The following TRAM2 variants were observed in gnomAD, a reference collection of about 807,000 sequenced individuals.
The protein encoded by TRAM2 is translocation associated membrane protein 2.
TRAM2 carries 12 observed loss-of-function variants against 51.0 expected under a neutral mutation model. The observed-to-expected ratio is 0.24, with a 90% CI of 0.15 to 0.38. The LOEUF (loss-of-function observed/expected upper bound fraction) is 0.38, where lower values mean the gene tolerates loss of function less well. TRAM2 is among the 10% of genes least tolerant of loss of function. The probability of loss-of-function intolerance (pLI) is 1.00; values close to 1 mark genes in which losing one functional copy is unlikely to be tolerated. For synonymous variants in TRAM2, 175 were observed against 179.4 expected (o/e 0.98, Z 0.20); for missense variants, 361 against 462.0 (o/e 0.78, Z 2.00).
intron 2 of TRAM2, among the ~76,000 whole-genome samples, chr6:52,519,206 T>C (rs936996121): frequency 1.3e-5 from 2 of 152,230 alleles, no homozygotes; most frequent in Non-Finnish European, 2.9e-5. Flanking sequence ...CCCTGCCCTC[T>C]TGGAGCTTAG....
At chr6:52,530,344 G>A (rs1178055987) in intron 2 of TRAM2, among the ~76,000 whole-genome samples, 9 of 152,180 alleles carry the variant, frequency 5.9e-5, no homozygotes, top group Admixed American at 5.9e-4. Context: ...TCTGAATGAA[G>A]CTTAATCTTT....
At chr6:52,540,173 A>G (rs868360722) in intron 1 of TRAM2, among the ~76,000 whole-genome samples, 1 of 151,818 alleles carries the variant, frequency 6.6e-6, no homozygotes, top group African/African-American at 2.4e-5. Flanking sequence ...TAGATGAAAA[A>G]GCCAAATTTG....
chr6:52,514,173 T>C (rs986104692), intron 4 of TRAM2, among the ~76,000 whole-genome samples: 1 of 152,118 alleles, frequency 6.6e-6, no homozygotes, highest in Non-Finnish European at 1.5e-5. Flanking sequence ...GAGGCAGAGC[T>C]GGCAGGACCT....
chr6:52,559,659 GCTAC>G (rs1767465514), intron 1 of TRAM2, among the ~76,000 whole-genome samples: 1 of 152,140 alleles, frequency 6.6e-6, no homozygotes, highest in Admixed American at 6.5e-5. Context: ...CTCTATAAAT[GCTAC>G]CTATTCTTTA....
chr6:52,556,441 C>T (rs1767407669), intron 1 of TRAM2, among the ~76,000 whole-genome samples: 1 of 152,002 alleles, frequency 6.6e-6, no homozygotes, highest in South Asian at 2.1e-4. Flanking sequence ...CCACAACACC[C>T]AGCTAATTTG....
At chr6:52,541,177 G>A (rs978482846) in intron 1 of TRAM2, among the ~76,000 whole-genome samples, 1 of 152,206 alleles carries the variant, frequency 6.6e-6, no homozygotes, top group Non-Finnish European at 1.5e-5. Context: ...CCAGCTGGGT[G>A]ACCTTGGGCA....
At position 52,505,960 on chromosome 6, in the gene TRAM2, C is replaced by T; in HGVS notation, c.731+72G>A. On this transcript the variant is annotated intron_variant, in intron 8 of 10. Coordinates refer to ENST00000182527, the MANE Select transcript of TRAM2 (RefSeq NM_012288.4). ...CAGTGTGCAACCAGGGAGGGACCCTCCAACCATCCGGGCCTCGGGGGAACC... is the reference window on the plus strand; with the variant it reads ...CAGTGTGCAACCAGGGAGGGACCCTTCAACCATCCGGGCCTCGGGGGAACC... The T allele has an allele frequency of 5.2e-6, 8 of 1,550,500 alleles. No individual in the cohort carries two copies. In the South Asian group the frequency reaches 7.8e-5, roughly 15 times the overall value.
intron 1 of TRAM2, among the ~76,000 whole-genome samples, chr6:52,566,096 C>T (rs1197696638): frequency 6.6e-6 from 1 of 152,124 alleles, no homozygotes; most frequent in Non-Finnish European, 1.5e-5. Context: ...ATAATAAGTC[C>T]ATAGGACACT....
intron 1 of TRAM2, among the ~76,000 whole-genome samples, chr6:52,573,066 G>A (rs1468949884): frequency 2.0e-5 from 3 of 152,078 alleles, no homozygotes; most frequent in Non-Finnish European, 4.4e-5. Flanking sequence ...TTTAGAGCCT[G>A]TAAATGAGCT....
chr6:52,526,501 C>T (rs776686314), intron 2 of TRAM2, among the ~76,000 whole-genome samples: 18 of 152,110 alleles, frequency 1.2e-4, no homozygotes, highest in Non-Finnish European at 2.2e-4. Context: ...ATTCTTGTGC[C>T]TCGGCCTCCT....
chr6:52,528,347 T>C (rs146086802), intron 2 of TRAM2, among the ~76,000 whole-genome samples: 25 of 152,058 alleles, frequency 1.6e-4, no homozygotes, highest in African/African-American at 5.8e-4. Context: ...ATGGCTTCCA[T>C]CTCCAGAGCC....
rs1374045579 is a variant in TRAM2, at chr6:52,502,022, T to C, written c.*1175A>G. 6.6e-6 allele frequency: 1 copy of C among 152,242 alleles called. No individual in the cohort carries two copies. The highest frequency in any genetic ancestry group is 1.5e-5 in the Non-Finnish European group (1 of 68,058). The allele number at this position is 152,242 out of a possible 1,614,324, so 9.4% of individuals were successfully genotyped here. A position where few individuals can be genotyped will look rare whatever the true frequency, so the allele number is the denominator to read the frequency against. On this transcript the variant is annotated 3_prime_UTR_variant, in exon 11 of 11. Transcript: ENST00000182527. ...TGACTCTCAGTCAGTCATGGTTTCA[T>C]GCAGTCTAAAATGCTGTAGTTGTGC...
At chr6:52,571,611 A>G (rs1464204773) in intron 1 of TRAM2, among the ~76,000 whole-genome samples, 1 of 152,246 alleles carries the variant, frequency 6.6e-6, no homozygotes, top group Non-Finnish European at 1.5e-5. Flanking sequence ...CTAATAAGAT[A>G]GATGTCAAAG....
intron 1 of TRAM2, among the ~76,000 whole-genome samples, chr6:52,562,202 G>GTA (rs1421344447): frequency 6.6e-6 from 1 of 152,192 alleles, no homozygotes; most frequent in Admixed American, 6.6e-5. Flanking sequence ...AGATACTATG[G>GTA]TAAGCAATGC....
At chr6:52,519,494 C>G (rs951172140) in intron 2 of TRAM2, among the ~76,000 whole-genome samples, 3 of 152,136 alleles carry the variant, frequency 2.0e-5, no homozygotes, top group African/African-American at 7.2e-5. Flanking sequence ...AGAAAAACAA[C>G]AAGTATTGGT....
At chr6:52,541,220 C>T (rs1767074660) in intron 1 of TRAM2, among the ~76,000 whole-genome samples, 1 of 152,188 alleles carries the variant, frequency 6.6e-6, no homozygotes, top group Admixed American at 6.5e-5. Flanking sequence ...CCAGTTTACT[C>T]ATCTATTAAT....
At position 52,506,113 on chromosome 6, in the gene TRAM2, A is replaced by T; in HGVS notation, c.650T>A (p.Leu217Ter). The T allele has an allele frequency of 2.5e-6, 4 of 1,614,112 alleles. No homozygotes were observed. The highest frequency in any genetic ancestry group is 3.4e-6 in the Non-Finnish European group (4 of 1,180,048). Residue 217 changes from leucine (L) to a stop codon, truncating the protein, a stop_gained, in exon 8 of 11, where the codon TTG (leucine) becomes TAG (stop). Coordinates refer to ENST00000182527, the MANE Select transcript of TRAM2 (RefSeq NM_012288.4). LOFTEE classifies it high-confidence loss of function. ...LLNLSRLGLI[L>*]LLLQYSTEFL... ...CTCAGTTGAGTACTGCAGCAGCAGC[A>T]AGATCAGGCCCAGGCGGCTCAGGCT...
rs576352986 is a variant in TRAM2, at chr6:52,512,004, A to G, written c.412-2418T>C. ...GAGCTCTCTCAAATACACTGCTTCT[A>G]TCACCTCTACCCACCCACTCTGTCG... On this transcript the variant is annotated intron_variant, in intron 4 of 10. Transcript: ENST00000182527. Among the ~76,000 whole-genome samples, 4 of 152,158 alleles carry G rather than the reference A, an allele frequency of 2.6e-5. No individual in the cohort carries two copies. The South Asian group carries it at 8.3e-4, about 32-fold the overall frequency.
At chr6:52,540,679 C>T (rs1304609156) in intron 1 of TRAM2, among the ~76,000 whole-genome samples, 1 of 152,220 alleles carries the variant, frequency 6.6e-6, no homozygotes, top group African/African-American at 2.4e-5. Context: ...CCGCAAGCAC[C>T]AGCTGAGTTC....
Sources: gnomAD v4.1 joint callset for allele counts (sites outside exome capture counted in the v4.1 genomes callset) on GRCh38, gnomAD v4.1.1 for gene constraint, MANE v1.5 for transcripts, NCBI Gene and HGNC (gene_info 2026-07-23, HGNC 2026-07-21) for gene names.